Variants in SNCAIP observed in about 807,000 individuals in gnomAD.
The protein encoded by SNCAIP is synuclein alpha interacting protein.
In SNCAIP, 43 loss-of-function variants were observed where a neutral mutation model predicts 86.7. That is an observed-to-expected ratio of 0.50 (90% CI 0.39 to 0.64). SNCAIP has a LOEUF of 0.64. Ranked by LOEUF, SNCAIP falls within the 30% of genes least tolerant of loss-of-function variation. The pLI is 0.00. For synonymous variants in SNCAIP, 417 were observed against 427.2 expected, an observed-to-expected ratio of 0.98 and a Z score of 0.29; for missense variants, 981 against 1,103.1, an observed-to-expected ratio of 0.89 and a Z score of 1.57.
At chr5:122,319,117 G>A (rs1752422714) in intron 1 of SNCAIP, among the ~76,000 whole-genome samples, 1 of 151,614 alleles carries the variant, frequency 6.6e-6, no homozygotes, top group Admixed American at 6.6e-5. Context: ...AGCTTTGATT[G>A]GGCTCTTCCC....
rs375868369 is a variant in SNCAIP at position 122,422,916 on chromosome 5, C to T, written c.179C>T (p.Thr60Met). The T allele has an allele frequency of 1.1e-4, 176 of 1,613,866 alleles. No individual in the cohort carries two copies. Among genetic ancestry groups the T allele is most frequent in the South Asian group, 2.4e-4 (22 of 91,072 alleles). The change falls in exon 4 of 11, where the codon ACG (threonine) becomes ATG (methionine). Residue 60 changes from threonine to methionine, a missense_variant. Coordinates refer to ENST00000261368, the MANE Select transcript of SNCAIP (RefSeq NM_005460.4). The stretch of plus-strand genomic sequence containing the variant: ...GGCATCTCAACTCTTATTACAAACA[C>T]GCAAAAGCCCACAGGAATCGCTGAT... ...NCGISTLITN[T>M]QKPTGIADVY...
rs1752883372 is a variant in SNCAIP, at chr5:122,321,305, G to T, written c.-47+9021G>T. 4 of 152,016 alleles carry T rather than the reference G, an allele frequency of 2.6e-5. No individual in the cohort carries two copies. In the South Asian group the frequency reaches 8.3e-4, roughly 32 times the overall value. The allele number at this position is 152,016 out of a possible 1,614,324, so 9.4% of individuals were successfully genotyped here. ...CCATATTACATCTTTGAAATTTGGT[G>T]TATGTTTTTTACTTACCTCAATTCA... On this transcript the variant is annotated intron_variant, in intron 1 of 10. Transcript: ENST00000261368.
intron 1 of SNCAIP, among the ~76,000 whole-genome samples, chr5:122,371,108 G>T (rs963061157): frequency 3.3e-5 from 5 of 151,966 alleles, no homozygotes; most frequent in Non-Finnish European, 5.9e-5. Flanking sequence ...GAGACCAGGA[G>T]TTTGAGACCA....
chr5:122,440,867 C>T (rs1332007824), intron 7 of SNCAIP, 113 bp downstream of exon 7: 15 of 995,628 alleles, frequency 1.5e-5, no homozygotes, highest in African/African-American at 8.0e-5. Flanking sequence ...TTTGTATGGT[C>T]GTAGACAATA....
At chr5:122,403,772 C>A (rs769473649) in intron 2 of SNCAIP, 21 bp from the exon 3 acceptor site, 5 of 1,602,204 alleles carry the variant, frequency 3.1e-6, no homozygotes, top group Non-Finnish European at 4.3e-6. Flanking sequence ...TATGCCCTCT[C>A]TTCTCTGGCT....
At chr5:122,387,648 A>G (rs1213426803) in intron 1 of SNCAIP, among the ~76,000 whole-genome samples, 1 of 152,176 alleles carries the variant, frequency 6.6e-6, no homozygotes, top group Non-Finnish European at 1.5e-5. Context: ...CTTCCCCTGG[A>G]GTCACAGCAG....
intron 1 of SNCAIP, among the ~76,000 whole-genome samples, chr5:122,329,579 C>T (rs1336657260): frequency 6.6e-6 from 1 of 152,042 alleles, no homozygotes; most frequent in East Asian, 1.9e-4. Context: ...AAAGACAGCC[C>T]AGCATATGTT....
At chr5:122,412,288 C>T (rs1774294276) in intron 3 of SNCAIP, among the ~76,000 whole-genome samples, 2 of 152,270 alleles carry the variant, frequency 1.3e-5, no homozygotes, top group African/African-American at 2.4e-5. Flanking sequence ...GGGAAACTCC[C>T]TCCTCTGTCC....
At chr5:122,405,765 C>T (rs962722654) in intron 3 of SNCAIP, among the ~76,000 whole-genome samples, 1 of 152,088 alleles carries the variant, frequency 6.6e-6, no homozygotes, top group Non-Finnish European at 1.5e-5. Flanking sequence ...TGACTCTTAC[C>T]AAGTTAAGTG....
intron 1 of SNCAIP, among the ~76,000 whole-genome samples, chr5:122,344,958 C>A (rs1580537580): frequency 6.6e-6 from 1 of 152,172 alleles, no homozygotes; most frequent in East Asian, 1.9e-4. Context: ...GTTATAAAGT[C>A]CAGAAATATT....
chr5:122,312,431 G>A (rs1326851370), intron 1 of SNCAIP, 147 bp downstream of exon 1: 5 of 152,286 alleles, frequency 3.3e-5, no homozygotes, highest in South Asian at 2.1e-4. Context: ...GCGAGTCTCG[G>A]CTGCTCCGGG....
chr5:122,401,226 A>G (rs1771747848), intron 2 of SNCAIP: 1 of 1,160,080 alleles, frequency 8.6e-7, no homozygotes, highest in Admixed American at 2.8e-5. Flanking sequence ...AGATGGTAGC[A>G]CAATGCATAC....
At chr5:122,339,597 T>TA (rs1247298112) in intron 1 of SNCAIP, among the ~76,000 whole-genome samples, 1 of 152,222 alleles carries the variant, frequency 6.6e-6, no homozygotes, top group Non-Finnish European at 1.5e-5. Flanking sequence ...TATTCACACT[T>TA]ACCTATCTCA....
chr5:122,406,835 T>TTTATAAAGAAATAC (rs1189813109), intron 3 of SNCAIP, among the ~76,000 whole-genome samples: 28 of 152,320 alleles, frequency 1.8e-4, no homozygotes, highest in African/African-American at 5.5e-4. Context: ...ATCTCGGGTA[T>TTTATAAAGAAATAC]TTCTTTATAG....
intron 1 of SNCAIP, among the ~76,000 whole-genome samples, chr5:122,342,741 C>T (rs1166602532): frequency 6.6e-6 from 1 of 152,200 alleles, no homozygotes; most frequent in Non-Finnish European, 1.5e-5. Context: ...GTCCCCTGCA[C>T]CAGCTATCTG....
chr5:122,314,457 T>C (rs1751293636), intron 1 of SNCAIP, among the ~76,000 whole-genome samples: 1 of 152,214 alleles, frequency 6.6e-6, no homozygotes, highest in African/African-American at 2.4e-5. Context: ...GAAGCTTTGT[T>C]TTTGGCAGTT....
chr5:122,428,535 C>G (rs1018742979), intron 5 of SNCAIP, among the ~76,000 whole-genome samples: 1 of 151,634 alleles, frequency 6.6e-6, no homozygotes, highest in East Asian at 1.9e-4. Flanking sequence ...CCAGGATAGA[C>G]CAAATGTTAG....
chr5:122,440,416 T>A lies in SNCAIP; in HGVS notation c.1297-213T>A, dbSNP rs1561776349. On this transcript the variant is annotated intron_variant, in intron 6 of 10. Coordinates refer to ENST00000261368, the MANE Select transcript of SNCAIP (RefSeq NM_005460.4). Reference sequence around the variant, plus strand: ...AAATAAGAGCGCTTCCAAGGGAGCTTCCTGCTCTTAAAATTCTCTATGCCG... The same window carrying A: ...AAATAAGAGCGCTTCCAAGGGAGCTACCTGCTCTTAAAATTCTCTATGCCG... 4 of 561,622 alleles carry A rather than the reference T, an allele frequency of 7.1e-6. No homozygotes were observed. The East Asian group carries it at 1.3e-4, about 18-fold the overall frequency. 34.8% of individuals were successfully genotyped at this position (561,622 alleles called of 1,614,324 possible).
At chr5:122,363,500 C>G (rs1480675820) in intron 1 of SNCAIP, among the ~76,000 whole-genome samples, 2 of 152,062 alleles carry the variant, frequency 1.3e-5, no homozygotes, top group African/African-American at 4.8e-5. Context: ...ATATTGCCTC[C>G]CCTTGCCATA....
Sources: allele counts gnomAD v4.1 joint callset (sites outside exome capture counted in the v4.1 genomes callset), GRCh38; gene constraint gnomAD v4.1.1; transcripts MANE v1.5; gene names NCBI Gene and HGNC (gene_info 2026-07-23, HGNC 2026-07-21).